Variants in YWHAG observed in about 807,000 individuals in gnomAD.
YWHAG encodes the protein 14-3-3 protein gamma.
In YWHAG, 1 loss-of-function variant was observed where a neutral mutation model predicts 23.3. That is an observed-to-expected ratio of 0.04 (90% CI 0.02 to 0.20). The LOEUF (loss-of-function observed/expected upper bound fraction) is 0.20, where lower values mean the gene tolerates loss of function less well. YWHAG is among the 10% of genes least tolerant of loss of function. The pLI is 1.00. For synonymous variants in YWHAG, 160 were observed against 144.0 expected (o/e 1.11, Z -0.80); for missense variants, 151 against 338.6 (o/e 0.45, Z 4.35).
chr7:76,327,443 CCATT>C lies in YWHAG; in HGVS notation c.*2130_*2133del, dbSNP rs1245354837. On this transcript the variant is annotated 3_prime_UTR_variant, in exon 2 of 2. Transcript: ENST00000307630. ...TCTTTAAAAATAAAGAAAAGAAAAA[CCATT>C]CAAGCTGCTTAAATATCAAGTCTCC... 3 of 152,456 alleles carry C rather than the reference CCATT, an allele frequency of 2.0e-5. No homozygotes were observed. Among genetic ancestry groups the C allele is most frequent in the African/African-American group, 4.8e-5 (2 of 41,396 alleles). The allele number at this position is 152,456 out of a possible 1,614,324, so 9.4% of individuals were successfully genotyped here.
chr7:76,358,628 ATCG>A lies in YWHAG; in HGVS notation c.87+91_87+93del. Reference sequence around the variant, plus strand: ...AGCGAGACGGGGCGGTCAACCCGCCATCGCGACAGGGCGACGAAGCCCCGGGCC... The same window carrying A: ...AGCGAGACGGGGCGGTCAACCCGCCACGACAGGGCGACGAAGCCCCGGGCC... On this transcript the variant is annotated intron_variant, in intron 1 of 1. Coordinates refer to ENST00000307630, the MANE Select transcript of YWHAG (RefSeq NM_012479.4). 2.3e-6 allele frequency: 3 copies of A among 1,297,734 alleles called. No homozygotes were observed. In the South Asian group the frequency reaches 4.4e-5, roughly 19 times the overall value. 80.4% of individuals were successfully genotyped at this position (1,297,734 alleles called of 1,614,324 possible). A position where few individuals can be genotyped will look rare whatever the true frequency, so the allele number is the denominator to read the frequency against.
intron 1 of YWHAG, among the ~76,000 whole-genome samples, chr7:76,335,612 G>A (rs1285959652): frequency 1.3e-5 from 2 of 152,196 alleles, no homozygotes; most frequent in Admixed American, 1.3e-4. Flanking sequence ...AAGCCATGGA[G>A]TACCAGGTCA....
At chr7:76,340,045 T>C (rs1036463329) in intron 1 of YWHAG, among the ~76,000 whole-genome samples, 4 of 152,092 alleles carry the variant, frequency 2.6e-5, no homozygotes, top group African/African-American at 9.7e-5. Context: ...GCCAAGATCA[T>C]GCCATTGCAC....
rs890301885 is a variant in YWHAG, at chr7:76,327,615, G to A, written c.*1962C>T. 3 of 140,184 alleles carry A rather than the reference G, an allele frequency of 2.1e-5. No homozygotes were observed. The highest frequency in any genetic ancestry group is 3.0e-5 in the Non-Finnish European group (2 of 66,734). The allele number at this position is 140,184 out of a possible 1,614,324, so 8.7% of individuals were successfully genotyped here. A position where few individuals can be genotyped will look rare whatever the true frequency, so the allele number is the denominator to read the frequency against. ...ATTTCCAAATGCTACAAGGAAAAAC[G>A]CAACACTGCTCACTGGACATGAAGA... On this transcript the variant is annotated 3_prime_UTR_variant, in exon 2 of 2. Transcript: ENST00000307630.
chr7:76,354,129 A>G (rs1211827671), intron 1 of YWHAG, among the ~76,000 whole-genome samples: 3 of 151,960 alleles, frequency 2.0e-5, no homozygotes, highest in African/African-American at 7.3e-5. Context: ...CTGGTAAAAC[A>G]CTAAGTAACT....
At chr7:76,344,859 T>C (rs1486941058) in intron 1 of YWHAG, among the ~76,000 whole-genome samples, 1 of 152,188 alleles carries the variant, frequency 6.6e-6, no homozygotes, top group Non-Finnish European at 1.5e-5. Flanking sequence ...TAAGACTTAC[T>C]CTTGAATACT....
At chr7:76,345,191 T>C (rs1231731633) in intron 1 of YWHAG, among the ~76,000 whole-genome samples, 2 of 151,300 alleles carry the variant, frequency 1.3e-5, no homozygotes, top group Non-Finnish European at 3.0e-5. Context: ...AAGGCTTTTT[T>C]TTTTTTTTTT....
chr7:76,343,456 A>C (rs1803729233), intron 1 of YWHAG, among the ~76,000 whole-genome samples: 2 of 152,220 alleles, frequency 1.3e-5, no homozygotes, highest in Admixed American at 1.3e-4. Context: ...GGGCTTGGCC[A>C]TATGAATCAG....
At position 76,329,514 on chromosome 7, in the gene YWHAG, C is replaced by A; in HGVS notation, c.*63G>T. ...TCCCTCCCCCACCCGACCCCCAACT[C>A]ATGGGAAAAAAATAAAGACTGCAGT... is the stretch of plus-strand genomic sequence containing the variant. On this transcript the variant is annotated 3_prime_UTR_variant, in exon 2 of 2. Coordinates refer to ENST00000307630, the MANE Select transcript of YWHAG (RefSeq NM_012479.4). This position sits in a 1 kb window ranked among gnomAD's most constrained non-coding sequence, Gnocchi z 6.1. The A allele has an allele frequency of 2.2e-5, 23 of 1,033,246 alleles. No homozygotes were observed. The highest frequency in any genetic ancestry group is 3.0e-5 in the Non-Finnish European group (22 of 744,390). The allele number at this position is 1,033,246 out of a possible 1,614,324, so 64.0% of individuals were successfully genotyped here. A position where few individuals can be genotyped will look rare whatever the true frequency, so the allele number is the denominator to read the frequency against.
Position 76,327,028 on chromosome 7 carries a change from A to G in YWHAG, c.*2549T>C, listed in dbSNP as rs1214796503. On this transcript the variant is annotated 3_prime_UTR_variant, in exon 2 of 2. Coordinates refer to ENST00000307630, the MANE Select transcript of YWHAG (RefSeq NM_012479.4). ...GAGAACATATTTGTTGTTCTCCAAC[A>G]CTGTAATAGTTATAATTTCACCATG... is the stretch of plus-strand genomic sequence containing the variant. The G allele has an allele frequency of 2.6e-5, 4 of 152,662 alleles. No individual in the cohort carries two copies. Among genetic ancestry groups the G allele is most frequent in the Non-Finnish European group, 5.9e-5 (4 of 68,046 alleles). The allele number at this position is 152,662 out of a possible 1,614,324, so 9.5% of individuals were successfully genotyped here. A position where few individuals can be genotyped will look rare whatever the true frequency, so the allele number is the denominator to read the frequency against.
At chr7:76,335,771 C>T (rs1191495826) in intron 1 of YWHAG, among the ~76,000 whole-genome samples, 1 of 152,036 alleles carries the variant, frequency 6.6e-6, no homozygotes, top group Non-Finnish European at 1.5e-5. Flanking sequence ...GCCAACATGG[C>T]GAAACCCTGT....
At chr7:76,343,640 G>A (rs1803733030) in intron 1 of YWHAG, among the ~76,000 whole-genome samples, 1 of 152,134 alleles carries the variant, frequency 6.6e-6, no homozygotes, top group Non-Finnish European at 1.5e-5. Context: ...TATGAATCCA[G>A]CCACTCTCAT....
Position 76,329,976 on chromosome 7 carries a change from G to C in YWHAG, c.345C>G (p.Thr115=), listed in dbSNP as rs780129232. ...DNYLIKNCSE[T]QYESKVFYLK... is the part of the protein sequence containing the mutation. ...GGTAGAACACTTTGCTCTCGTACTG[G>C]GTCTCGCTGCAATTCTTGATCAGGT... The change falls in exon 2 of 2, where the codon ACC becomes ACG. Residue 115 remains threonine (T), a synonymous_variant. Coordinates refer to ENST00000307630, the MANE Select transcript of YWHAG (RefSeq NM_012479.4). The surrounding 1 kb of genome is among the most constrained non-coding windows in gnomAD (Gnocchi z 6.1). The C allele has an allele frequency of 1.9e-6, 3 of 1,614,072 alleles. No individual in the cohort carries two copies. The South Asian group carries it at 3.3e-5, about 18-fold the overall frequency.
At chr7:76,334,543 G>A (rs551091743) in intron 1 of YWHAG, among the ~76,000 whole-genome samples, 1 of 150,428 alleles carries the variant, frequency 6.6e-6, no homozygotes, top group African/African-American at 2.5e-5. Context: ...AGCCTCCAGA[G>A]AAGCTGGGAC....
rs764369147 is a variant in YWHAG, at chr7:76,358,847, A to G, written c.-39T>C. 1 of 1,567,042 alleles carries G rather than the reference A, an allele frequency of 6.4e-7. No individual in the cohort carries two copies. The highest frequency in any genetic ancestry group is 1.2e-5 in the South Asian group (1 of 85,880). Reference sequence around the variant, plus strand: ...GGTCTGGCCGGAGAAGGAGGAGGACACTGGGGCGGCCTGAAGGGCTTGGAG... The same window carrying G: ...GGTCTGGCCGGAGAAGGAGGAGGACGCTGGGGCGGCCTGAAGGGCTTGGAG... On this transcript the variant is annotated 5_prime_UTR_variant, in exon 1 of 2. Coordinates refer to ENST00000307630, the MANE Select transcript of YWHAG (RefSeq NM_012479.4).
intron 1 of YWHAG, among the ~76,000 whole-genome samples, chr7:76,337,764 G>A (rs1803636036): frequency 6.6e-6 from 1 of 152,140 alleles, no homozygotes; most frequent in East Asian, 1.9e-4. Flanking sequence ...TTGAACTCCT[G>A]AGCTCAAGTG....
At chr7:76,358,155 G>A (rs148716190) in intron 1 of YWHAG, among the ~76,000 whole-genome samples, 4 of 152,304 alleles carry the variant, frequency 2.6e-5, no homozygotes, top group African/African-American at 9.6e-5. Flanking sequence ...GCACCACGGA[G>A]CTCAGGTTTT....
At chr7:76,356,292 T>C (rs1016745348) in intron 1 of YWHAG, among the ~76,000 whole-genome samples, 2 of 152,242 alleles carry the variant, frequency 1.3e-5, no homozygotes, top group African/African-American at 2.4e-5. Flanking sequence ...TTTCAAGTAT[T>C]GTCCCATTTT....
Position 76,328,971 on chromosome 7 carries a change from G to A in YWHAG, c.*606C>T, listed in dbSNP as rs1803498687. On this transcript the variant is annotated 3_prime_UTR_variant, in exon 2 of 2. Transcript: ENST00000307630. Reference sequence around the variant, plus strand: ...CGATGGCTTGATGTTACATATGGCTGTAATGTAGAAATACTGTAAACTGCA... The same window carrying A: ...CGATGGCTTGATGTTACATATGGCTATAATGTAGAAATACTGTAAACTGCA... The A allele has an allele frequency of 6.5e-6, 1 of 152,740 alleles. No individual in the cohort carries two copies. Among genetic ancestry groups the A allele is most frequent in the South Asian group, 2.1e-4 (1 of 4,834 alleles). The allele number at this position is 152,740 out of a possible 1,614,324, so 9.5% of individuals were successfully genotyped here.
Sources: gnomAD v4.1 joint callset for allele counts (sites outside exome capture counted in the v4.1 genomes callset) on GRCh38, gnomAD v4.1.1 for gene constraint, Gnocchi (gnomAD v3.1) non-coding constraint, MANE v1.5 for transcripts, NCBI Gene and HGNC (gene_info 2026-07-23, HGNC 2026-07-21) for gene names.